Variants in FAM210A observed in about 807,000 individuals in gnomAD.
The protein encoded by FAM210A is family with sequence similarity 210 member A.
A neutral mutation model predicts 25.3 loss-of-function variants in FAM210A; 13 were observed. That is an observed-to-expected ratio of 0.51 (90% CI 0.33 to 0.82). FAM210A has a LOEUF of 0.82. FAM210A is among the 40% of genes least tolerant of loss of function. The pLI is 0.02. For synonymous variants in FAM210A, 125 were observed against 118.7 expected, an observed-to-expected ratio of 1.05 and a Z score of -0.35; for missense variants, 319 against 323.2, an observed-to-expected ratio of 0.99 and a Z score of 0.10.
rs113095832 is a variant in FAM210A, at chr18:13,705,197, T to C, written c.-29+21132A>G. 1.3e-3 allele frequency among the ~76,000 whole-genome samples: 200 copies of C among 152,342 alleles called. 2 individuals carry two copies. In the East Asian group the frequency reaches 0.018, roughly 14 times the overall value. ...GTACTGAAATTGTTTAAATATACAATTTAAATGAACTCCATAGTCTAAGTC... is the reference window on the plus strand; with the variant it reads ...GTACTGAAATTGTTTAAATATACAACTTAAATGAACTCCATAGTCTAAGTC... On this transcript the variant is annotated intron_variant, in intron 1 of 3. Transcript: ENST00000651643.
chr18:13,694,916 C>T (rs1310765044), intron 1 of FAM210A, among the ~76,000 whole-genome samples: 2 of 152,222 alleles, frequency 1.3e-5, no homozygotes, highest in Non-Finnish European at 2.9e-5. Context: ...AAACTACCAT[C>T]AGAGTGAGCA....
chr18:13,711,880 G>C (rs975975068), intron 1 of FAM210A, among the ~76,000 whole-genome samples: 1 of 152,028 alleles, frequency 6.6e-6, no homozygotes, highest in African/African-American at 2.4e-5. Context: ...CCAAATATGT[G>C]CCTCCTTTGG....
intron 1 of FAM210A, 105 bp from the exon 2 acceptor site, chr18:13,682,210 C>T: frequency 4.0e-6 from 3 of 744,898 alleles, no homozygotes; most frequent in Non-Finnish European, 6.5e-6. Context: ...AAAAGACAGA[C>T]ACTGCTACAT....
At chr18:13,674,983 CTTCT>C (rs1418734575) in intron 2 of FAM210A, among the ~76,000 whole-genome samples, 3 of 149,144 alleles carry the variant, frequency 2.0e-5, no homozygotes, top group Non-Finnish European at 3.0e-5. Context: ...TGAGCCCTGG[CTTCT>C]TTATTTCCTG....
intron 1 of FAM210A, among the ~76,000 whole-genome samples, chr18:13,685,510 CCTTAT>C (rs2043589553): frequency 6.6e-6 from 1 of 152,118 alleles, no homozygotes; most frequent in Non-Finnish European, 1.5e-5. Context: ...ATCCACAACC[CCTTAT>C]CTTAATTCAG....
intron 1 of FAM210A, among the ~76,000 whole-genome samples, chr18:13,692,894 A>T (rs2068413060): frequency 6.6e-6 from 1 of 152,214 alleles, no homozygotes; most frequent in South Asian, 2.1e-4. Context: ...AATAACTAAG[A>T]TCAGAGCAGA....
chr18:13,722,148 C>G (rs1219019714), intron 1 of FAM210A, among the ~76,000 whole-genome samples: 8 of 152,078 alleles, frequency 5.3e-5, no homozygotes, highest in Admixed American at 3.9e-4. Context: ...ATTCAGTAGA[C>G]TGCCCAACGA....
intron 1 of FAM210A, among the ~76,000 whole-genome samples, chr18:13,719,370 G>A (rs1319248853): frequency 6.6e-6 from 1 of 152,184 alleles, no homozygotes; most frequent in East Asian, 1.9e-4. Context: ...AGGCAATGTA[G>A]AAGAAGTAAG....
chr18:13,717,651 A>C (rs1450431375), intron 1 of FAM210A, among the ~76,000 whole-genome samples: 1 of 152,238 alleles, frequency 6.6e-6, no homozygotes, highest in Non-Finnish European at 1.5e-5. Flanking sequence ...AGGAAGATAC[A>C]TTTTGAATTA....
intron 2 of FAM210A, among the ~76,000 whole-genome samples, chr18:13,675,889 T>C (rs74466680): frequency 0.1 from 1,682 of 16,336 alleles, 380 homozygotes; most frequent in East Asian, 0.38. Context: ...GAGCCCTGGC[T>C]TCTTTATTTC....
At chr18:13,683,201 A>G (rs934318023) in intron 1 of FAM210A, among the ~76,000 whole-genome samples, 2 of 152,248 alleles carry the variant, frequency 1.3e-5, no homozygotes, top group Non-Finnish European at 2.9e-5. Context: ...TACAAATGTT[A>G]AAATCTGATG....
At chr18:13,681,366 C>T (rs1169841309) in intron 2 of FAM210A, among the ~76,000 whole-genome samples, 1 of 152,180 alleles carries the variant, frequency 6.6e-6, no homozygotes, top group East Asian at 1.9e-4. Context: ...AACTGTGTAA[C>T]TTGCTTTATA....
At chr18:13,671,630 A>G (rs2043442997) in intron 3 of FAM210A, among the ~76,000 whole-genome samples, 1 of 151,206 alleles carries the variant, frequency 6.6e-6, no homozygotes. Context: ...CGGAGGTTGC[A>G]GTGAGCCGAG....
intron 1 of FAM210A, among the ~76,000 whole-genome samples, chr18:13,724,256 G>A (rs1474079261): frequency 1.3e-5 from 2 of 152,146 alleles, no homozygotes; most frequent in African/African-American, 2.4e-5. Flanking sequence ...GCTAGGCAAC[G>A]TCCAGTTCTG....
intron 1 of FAM210A, among the ~76,000 whole-genome samples, chr18:13,696,643 T>C (rs533433862): frequency 7.2e-5 from 11 of 152,290 alleles, no homozygotes; most frequent in South Asian, 4.1e-4. Flanking sequence ...ACAGTGATAC[T>C]GATGATCCTG....
chr18:13,691,273 C>T (rs1037098402), intron 1 of FAM210A, among the ~76,000 whole-genome samples: 3 of 152,148 alleles, frequency 2.0e-5, no homozygotes, highest in East Asian at 1.9e-4. Context: ...ACCAAATCTA[C>T]GTCTGATTGG....
intron 1 of FAM210A, among the ~76,000 whole-genome samples, chr18:13,702,157 C>A (rs1339013351): frequency 6.6e-6 from 1 of 152,210 alleles, no homozygotes; most frequent in African/African-American, 2.4e-5. Context: ...AACTCAGAAG[C>A]CTGGCATGCC....
intron 2 of FAM210A, among the ~76,000 whole-genome samples, chr18:13,679,313 TAAAAC>T (rs1174305159): frequency 6.6e-6 from 1 of 152,190 alleles, no homozygotes; most frequent in Non-Finnish European, 1.5e-5. Context: ...TTTTTCCAGT[TAAAAC>T]AAACAAACGA....
intron 1 of FAM210A, among the ~76,000 whole-genome samples, chr18:13,718,375 G>C (rs2043876436): frequency 6.6e-6 from 1 of 152,160 alleles, no homozygotes; most frequent in Non-Finnish European, 1.5e-5. Flanking sequence ...CTTAGGTTTA[G>C]TCATAGTTGT....
Sources: gnomAD v4.1 joint callset for allele counts (sites outside exome capture counted in the v4.1 genomes callset) on GRCh38, gnomAD v4.1.1 for gene constraint, MANE v1.5 for transcripts, NCBI Gene and HGNC (gene_info 2026-07-23, HGNC 2026-07-21) for gene names.